The following KATNIP variants were observed in gnomAD, a reference collection of about 807,000 sequenced individuals.
The protein encoded by KATNIP is katanin-interacting protein.
In KATNIP, 126 loss-of-function variants were observed where a neutral mutation model predicts 174.0. The ratio of observed to expected loss-of-function variants is 0.72; its 90% CI spans 0.63 to 0.84. KATNIP has a LOEUF of 0.84. Among genes scored for constraint, KATNIP ranks in the 40% least tolerant of loss-of-function variants. The pLI, the probability that KATNIP is intolerant of heterozygous loss-of-function variation, is 0.00. For missense variants in KATNIP, 1,958 were observed against 2,109.7 expected (o/e 0.93, Z 1.41); for synonymous variants, 810 against 835.7 (o/e 0.97, Z 0.53).
At chr16:27,635,603 CAA>C (rs547676881) in intron 5 of KATNIP, among the ~76,000 whole-genome samples, 2 of 137,612 alleles carry the variant, frequency 1.5e-5, no homozygotes. Flanking sequence ...CTCTAGGGTT[CAA>C]AAAAAAAAAA....
rs892414703 is a variant in KATNIP at position 27,603,006 on chromosome 16, A to C, written c.64-15419A>C. On this transcript the variant is annotated intron_variant, in intron 2 of 27. Coordinates refer to ENST00000261588, the MANE Select transcript of KATNIP (RefSeq NM_015202.5). ...TGAGCCACGGCACCCAGCTGATGCC[A>C]GGGCTTTTCAAGGATAGTTTGGTGA... Among the ~76,000 whole-genome samples, 8 of 152,328 alleles carry C rather than the reference A, an allele frequency of 5.3e-5. No homozygotes were observed. In the South Asian group the frequency reaches 1.2e-3, roughly 24 times the overall value.
chr16:27,655,311 G>A (rs1456004995), intron 6 of KATNIP, among the ~76,000 whole-genome samples: 1 of 149,058 alleles, frequency 6.7e-6, no homozygotes, highest in East Asian at 2.0e-4. Context: ...ATGGCTCACT[G>A]CGGCTTTGAA....
chr16:27,616,218 A>G (rs1336710220), intron 2 of KATNIP, among the ~76,000 whole-genome samples: 2 of 152,136 alleles, frequency 1.3e-5, no homozygotes, highest in South Asian at 2.1e-4. Context: ...CTAAAAATAT[A>G]TAAATTAGCT....
At chr16:27,639,569 G>A (rs759785164) in intron 5 of KATNIP, among the ~76,000 whole-genome samples, 4 of 152,188 alleles carry the variant, frequency 2.6e-5, no homozygotes, top group Non-Finnish European at 5.9e-5. Context: ...TGGGGTGGGC[G>A]TTCCTTAAAG....
At chr16:27,657,664 C>T (rs1452129652) in intron 6 of KATNIP, among the ~76,000 whole-genome samples, 1 of 152,076 alleles carries the variant, frequency 6.6e-6, no homozygotes, top group Non-Finnish European at 1.5e-5. Flanking sequence ...GTAATCCCAG[C>T]ACTTTGGGAG....
chr16:27,560,282 A>AG (rs1331029048), intron 1 of KATNIP, among the ~76,000 whole-genome samples: 3 of 143,082 alleles, frequency 2.1e-5, no homozygotes. Context: ...ACTCTGTCTC[A>AG]GAAAAAAAAA....
At chr16:27,623,484 G>A (rs534970839) in intron 3 of KATNIP, among the ~76,000 whole-genome samples, 1 of 151,964 alleles carries the variant, frequency 6.6e-6, no homozygotes, top group Non-Finnish European at 1.5e-5. Context: ...ATTGAGATGG[G>A]GGTCTCACTC....
intron 6 of KATNIP, among the ~76,000 whole-genome samples, chr16:27,656,935 A>T (rs1056454053): frequency 1.7e-4 from 24 of 137,176 alleles, no homozygotes; most frequent in African/African-American, 4.7e-4. Flanking sequence ...CTTAAAGTAT[A>T]AAAAAAAAAA....
intron 3 of KATNIP, among the ~76,000 whole-genome samples, chr16:27,620,138 G>A (rs770148780): frequency 2.6e-5 from 4 of 152,210 alleles, no homozygotes; most frequent in Non-Finnish European, 5.9e-5. Context: ...CAGAGACAAG[G>A]TTATAGCACA....
At chr16:27,632,348 A>G (rs1005917226) in intron 5 of KATNIP, 1 of 203,256 alleles carries the variant, frequency 4.9e-6, no homozygotes, top group Non-Finnish European at 1.1e-5. Context: ...GAGGGATAAG[A>G]CGGATTTATG....
intron 8 of KATNIP, among the ~76,000 whole-genome samples, chr16:27,692,006 G>A (rs1013106086): frequency 3.3e-5 from 5 of 152,206 alleles, no homozygotes; most frequent in African/African-American, 1.2e-4. Flanking sequence ...GCCCCAGACT[G>A]ATGAGGCATA....
intron 1 of KATNIP, among the ~76,000 whole-genome samples, chr16:27,550,640 C>G (rs2089312008): frequency 6.6e-6 from 1 of 152,094 alleles, no homozygotes; most frequent in Non-Finnish European, 1.5e-5. Flanking sequence ...AATAATAGCT[C>G]CCTTTAACAA....
intron 1 of KATNIP, among the ~76,000 whole-genome samples, chr16:27,562,006 A>G (rs2089904302): frequency 6.6e-6 from 1 of 152,226 alleles, no homozygotes; most frequent in African/African-American, 2.4e-5. Context: ...CTTCAGTTTC[A>G]TAAAGAAATC....
intron 23 of KATNIP, 68 bp from the exon 24 acceptor site, chr16:27,774,877 C>T: frequency 1.3e-6 from 2 of 1,592,762 alleles, no homozygotes; most frequent in Non-Finnish European, 1.7e-6. Context: ...GCCACGCCAT[C>T]AGCCTGAGGG....
chr16:27,576,742 C>T (rs1567453180), intron 2 of KATNIP, among the ~76,000 whole-genome samples: 1 of 152,166 alleles, frequency 6.6e-6, no homozygotes. Flanking sequence ...CATCCTATGC[C>T]CTCTCTCCTG....
rs566516703 is a variant in KATNIP at position 27,760,540 on chromosome 16, A to G, written c.3632-873A>G. On this transcript the variant is annotated intron_variant, in intron 18 of 27. Transcript: ENST00000261588. ...ACCCTAGGTCACTTCCTTTACTCTG[A>G]GCCCACGTGAATGTTTGTGATAGCA... Among the ~76,000 whole-genome samples the G allele has an allele frequency of 3.3e-5, 5 of 152,286 alleles. No homozygotes were observed. The South Asian group carries it at 1.0e-3, about 32-fold the overall frequency.
At chr16:27,596,055 G>A (rs2075325324) in intron 2 of KATNIP, among the ~76,000 whole-genome samples, 1 of 152,012 alleles carries the variant, frequency 6.6e-6, no homozygotes, top group African/African-American at 2.4e-5. Context: ...TTACTCTGGG[G>A]GCAGTGGGAG....
intron 2 of KATNIP, among the ~76,000 whole-genome samples, chr16:27,603,177 G>T (rs2075588059): frequency 6.6e-6 from 1 of 152,190 alleles, no homozygotes; most frequent in Admixed American, 6.5e-5. Context: ...GATCTGCCTT[G>T]GGGCAGAGTA....
At chr16:27,778,468 GC>G in intron 27 of KATNIP, 105 bp from the exon 28 acceptor site, 1 of 1,147,742 alleles carries the variant, frequency 8.7e-7, no homozygotes, top group Non-Finnish European at 1.3e-6. Flanking sequence ...TTTTCCAAGG[GC>G]CTTGAATGGC....
Sources: allele counts gnomAD v4.1 joint callset (sites outside exome capture counted in the v4.1 genomes callset), GRCh38; gene constraint gnomAD v4.1.1; transcripts MANE v1.5; gene names NCBI Gene and HGNC (gene_info 2026-07-23, HGNC 2026-07-21).